The following PIK3AP1 variants were observed in gnomAD, a reference collection of about 807,000 sequenced individuals.
PIK3AP1 encodes the protein phosphoinositide-3-kinase adaptor protein 1.
Under a neutral mutation model 88.1 loss-of-function variants are expected in PIK3AP1, and 21 were observed. The ratio of observed to expected loss-of-function variants is 0.24; its 90% confidence interval spans 0.17 to 0.34. The LOEUF is 0.34. Among genes scored for constraint, PIK3AP1 ranks in the 10% least tolerant of loss-of-function variants. The pLI, the probability that PIK3AP1 is intolerant of heterozygous loss-of-function variation, is 1.00. For missense variants in PIK3AP1, 828 were observed against 1,035.7 expected (o/e 0.80, Z 2.75); for synonymous variants, 398 against 400.0 (o/e 1.00, Z 0.06).
chr10:96,652,705 C>T lies in PIK3AP1; in HGVS notation c.705G>A (p.Lys235=). ...KVENEYTISV[K]APNLSSGNVS... ...TCACAGGGGACTACTTACTGGGAGC[C>T]TTCACTGAAATGGTGTACTCATTCT... Residue 235 remains lysine (K), a synonymous_variant, in exon 4 of 17, where the codon AAG becomes AAA. Transcript: ENST00000339364. 2 of 1,614,146 alleles carry T rather than the reference C, an allele frequency of 1.2e-6. No individual in the cohort carries two copies. The highest frequency in any genetic ancestry group is 8.5e-7 in the Non-Finnish European group (1 of 1,179,990).
At position 96,707,533 on chromosome 10, in the gene PIK3AP1, TCCG is replaced by T. The variant is rs755988811; in HGVS notation, c.430+2031_430+2033del. Among the ~76,000 whole-genome samples, 46 of 152,286 alleles carry T rather than the reference TCCG, an allele frequency of 3.0e-4. No homozygotes were observed. In the Middle Eastern group the frequency reaches 0.014, roughly 45 times the overall value. The stretch of plus-strand genomic sequence containing the variant: ...TGGTCTCTAACTCCTGACCTCATGA[TCCG>T]CCCGCCTCGGCCTCCCAAAGTGCTG... On this transcript the variant is annotated intron_variant, in intron 2 of 16. Coordinates refer to ENST00000339364, the MANE Select transcript of PIK3AP1 (RefSeq NM_152309.3).
chr10:96,668,513 AAG>A (rs1843796598), intron 2 of PIK3AP1, among the ~76,000 whole-genome samples: 1 of 152,236 alleles, frequency 6.6e-6, no homozygotes, highest in Non-Finnish European at 1.5e-5. Flanking sequence ...TACAAGGAAA[AAG>A]AAAGTGAGCA....
chr10:96,707,268 T>C (rs183451227), intron 2 of PIK3AP1, among the ~76,000 whole-genome samples: 1 of 152,350 alleles, frequency 6.6e-6, no homozygotes, highest in African/African-American at 2.4e-5. Flanking sequence ...TTCTATCTAC[T>C]TCAAAAAATA....
At chr10:96,690,837 G>C (rs1022356985) in intron 2 of PIK3AP1, among the ~76,000 whole-genome samples, 4 of 152,164 alleles carry the variant, frequency 2.6e-5, no homozygotes, top group African/African-American at 9.7e-5. Flanking sequence ...ATCCTACCCT[G>C]AGATTTTTAA....
At chr10:96,659,504 G>A (rs913327036) in intron 2 of PIK3AP1, among the ~76,000 whole-genome samples, 1 of 151,974 alleles carries the variant, frequency 6.6e-6, no homozygotes, top group Non-Finnish European at 1.5e-5. Flanking sequence ...GAAATTTTAT[G>A]AAACACATTG....
intron 8 of PIK3AP1, chr10:96,633,208 GT>G: frequency 4.7e-6 from 4 of 856,174 alleles, no homozygotes; most frequent in Non-Finnish European, 6.6e-6. Context: ...GATCCTCCCA[GT>G]TCCAGATGCA....
At chr10:96,700,362 A>G (rs886413000) in intron 2 of PIK3AP1, among the ~76,000 whole-genome samples, 6 of 152,154 alleles carry the variant, frequency 3.9e-5, no homozygotes, top group African/African-American at 1.4e-4. Flanking sequence ...TATTGTAGGC[A>G]TTAGTCCTCG....
At chr10:96,613,543 GA>G (rs1849162840) in intron 13 of PIK3AP1, among the ~76,000 whole-genome samples, 1 of 152,068 alleles carries the variant, frequency 6.6e-6, no homozygotes, top group South Asian at 2.1e-4. Flanking sequence ...CCCCTCTCCC[GA>G]AAATATCCTT....
At chr10:96,680,326 G>C (rs1000396279) in intron 2 of PIK3AP1, among the ~76,000 whole-genome samples, 5 of 151,660 alleles carry the variant, frequency 3.3e-5, no homozygotes, top group African/African-American at 1.2e-4. Context: ...TAACTTTTAA[G>C]TTCAGGGGTA....
At position 96,602,498 on chromosome 10, in the gene PIK3AP1, G is replaced by A; in HGVS notation, c.2242-100C>T. On this transcript the variant is annotated intron_variant, in intron 15 of 16. Transcript: ENST00000339364. ...AAAGCCCCTTGGTCCTCCTTAGGCTGGGGCTGAAGGTTGTTTGCAAATTGA... is the reference window on the plus strand; with the variant it reads ...AAAGCCCCTTGGTCCTCCTTAGGCTAGGGCTGAAGGTTGTTTGCAAATTGA... 3.0e-6 allele frequency: 3 copies of A among 991,308 alleles called. No homozygotes were observed. In the South Asian group the frequency reaches 4.1e-5, roughly 14 times the overall value. The allele number at this position is 991,308 out of a possible 1,614,324, so 61.4% of individuals were successfully genotyped here. A position where few individuals can be genotyped will look rare whatever the true frequency, so the allele number is the denominator to read the frequency against.
intron 2 of PIK3AP1, among the ~76,000 whole-genome samples, chr10:96,660,522 C>T (rs950500533): frequency 3.9e-5 from 6 of 152,182 alleles, no homozygotes; most frequent in Admixed American, 6.5e-5. Context: ...CATCCTTTCC[C>T]GAGGTTCTTC....
In PIK3AP1 at chr10:96,599,890, T is replaced by G. The variant is rs564624473; in HGVS notation, c.2360+2390A>C. 3.0e-4 allele frequency among the ~76,000 whole-genome samples: 46 copies of G among 152,248 alleles called. No individual in the cohort carries two copies. In the South Asian group the frequency reaches 3.7e-3, roughly 12 times the overall value. ...CTTGCTTCCAGACTCCCCAAACAACTCAACCACCATCTCTTTTTACACATT... is the reference window on the plus strand; with the variant it reads ...CTTGCTTCCAGACTCCCCAAACAACGCAACCACCATCTCTTTTTACACATT... On this transcript the variant is annotated intron_variant, in intron 16 of 16. Transcript: ENST00000339364.
In PIK3AP1 at chr10:96,595,591, G is replaced by C; in HGVS notation, c.2404C>G (p.Pro802Ala). 1 of 1,613,384 alleles carries C rather than the reference G, an allele frequency of 6.2e-7. No individual in the cohort carries two copies. The highest frequency in any genetic ancestry group is 8.5e-7 in the Non-Finnish European group (1 of 1,179,736). The change falls in exon 17 of 17, where the codon CCC becomes GCC. Residue 802 changes from proline (P) to alanine (A), a missense_variant. Physicochemically the swap from Pro to Ala is conservative, Grantham distance 27 (BLOSUM62 -1). Around this residue, in one of 3 missense-constraint regions of PIK3AP1, gnomAD observed 191 missense variants for 208.6 expected, o/e 0.92. Transcript: ENST00000339364. ...ETFHPPPPVP[P>A]RGR ...AGGAGGTGGAATCAGCGTCCTCTGG[G>C]TGGAACAGGTGGAGGAGGATGGAAG... is the stretch of plus-strand genomic sequence containing the variant.
intron 13 of PIK3AP1, among the ~76,000 whole-genome samples, chr10:96,615,688 G>A (rs967200231): frequency 6.6e-6 from 1 of 152,154 alleles, no homozygotes; most frequent in Non-Finnish European, 1.5e-5. Flanking sequence ...TACTGAGAAG[G>A]GGCTGCCAGG....
rs1281825104 is a variant in PIK3AP1, at chr10:96,702,596, AGACTT to A, written c.430+6966_430+6970del. ...TTTTTACTTGAAATTTGCTAAGACT[AGACTT>A]TAAGTGTTCTCACCACACACACACA... On this transcript the variant is annotated intron_variant, in intron 2 of 16. Coordinates refer to ENST00000339364, the MANE Select transcript of PIK3AP1 (RefSeq NM_152309.3). Among the ~76,000 whole-genome samples, 3 of 148,858 alleles carry A rather than the reference AGACTT, an allele frequency of 2.0e-5. No homozygotes were observed. In the East Asian group the frequency reaches 5.9e-4, roughly 29 times the overall value.
chr10:96,649,075 C>T (rs1050862228), intron 6 of PIK3AP1, among the ~76,000 whole-genome samples: 2 of 152,156 alleles, frequency 1.3e-5, no homozygotes, highest in Non-Finnish European at 2.9e-5. Context: ...GAGATGGAGT[C>T]TCACTCTGTC....
intron 11 of PIK3AP1, chr10:96,621,195 G>C (rs549786411): frequency 6.4e-6 from 1 of 155,548 alleles, no homozygotes; most frequent in South Asian, 1.8e-4. Flanking sequence ...GCAAAGGCTG[G>C]TGTGGGGCTT....
At chr10:96,605,927 T>C (rs1848994344) in intron 14 of PIK3AP1, among the ~76,000 whole-genome samples, 1 of 152,008 alleles carries the variant, frequency 6.6e-6, no homozygotes, top group Non-Finnish European at 1.5e-5. Flanking sequence ...CTACTAAAAA[T>C]ACAAAAATTA....
chr10:96,652,509 C>T (rs1184494906), intron 4 of PIK3AP1, among the ~76,000 whole-genome samples, 189 bp downstream of exon 4: 1 of 151,664 alleles, frequency 6.6e-6, no homozygotes, highest in African/African-American at 2.4e-5. Flanking sequence ...GGAGGTGGAG[C>T]TTGCAGTGAG....
Sources: allele counts gnomAD v4.1 joint callset (sites outside exome capture counted in the v4.1 genomes callset), GRCh38; gene constraint gnomAD v4.1.1; regional missense constraint gnomAD v4.1.1; transcripts MANE v1.5; gene names NCBI Gene and HGNC (gene_info 2026-07-23, HGNC 2026-07-21).